The following LRMDA variants were observed in gnomAD, a reference collection of about 807,000 sequenced individuals.
LRMDA encodes leucine-rich melanocyte differentiation-associated protein.
Under a neutral mutation model 29.8 loss-of-function variants are expected in LRMDA, and 18 were observed. The observed-to-expected ratio is 0.60, with a 90% CI of 0.42 to 0.90. The LOEUF (loss-of-function observed/expected upper bound fraction) is 0.90, where lower values mean the gene tolerates loss of function less well. Ranked by LOEUF, LRMDA falls within the 40% of genes least tolerant of loss-of-function variation. The probability of loss-of-function intolerance (pLI) is 0.00; values close to 1 mark genes in which losing one functional copy is unlikely to be tolerated. For synonymous variants in LRMDA, 125 were observed against 109.4 expected (o/e 1.14, Z -0.89); for missense variants, 273 against 273.9 (o/e 1.00, Z 0.02).
At chr10:76,429,346 A>G (rs1400234385) in intron 6 of LRMDA, among the ~76,000 whole-genome samples, 1 of 152,170 alleles carries the variant, frequency 6.6e-6, no homozygotes, top group Non-Finnish European at 1.5e-5. Context: ...TGCAGATAAT[A>G]TGATAATATG....
intron 2 of LRMDA, among the ~76,000 whole-genome samples, chr10:75,846,519 T>C (rs1844640346): frequency 6.6e-6 from 1 of 152,194 alleles, no homozygotes; most frequent in African/African-American, 2.4e-5. Flanking sequence ...AAGGTGGTCA[T>C]AGCACTGGAA....
At chr10:76,143,950 T>A (rs1850258984) in intron 5 of LRMDA, among the ~76,000 whole-genome samples, 2 of 152,208 alleles carry the variant, frequency 1.3e-5, no homozygotes, top group Admixed American at 6.5e-5. Flanking sequence ...AAATAGGGAA[T>A]CCTTTCCCCA....
At chr10:75,453,292 C>T (rs1039524291) in intron 2 of LRMDA, among the ~76,000 whole-genome samples, 1 of 152,208 alleles carries the variant, frequency 6.6e-6, no homozygotes, top group Admixed American at 6.5e-5. Flanking sequence ...CCTGGAGTCT[C>T]TACCTAGCTG....
intron 5 of LRMDA, among the ~76,000 whole-genome samples, chr10:76,310,953 A>C (rs575008518): frequency 6.6e-6 from 1 of 152,326 alleles, no homozygotes; most frequent in Non-Finnish European, 1.5e-5. Context: ...AACAATTAGA[A>C]GTTCATTTGC....
intron 3 of LRMDA, 117 bp from the exon 4 acceptor site, chr10:76,047,047 G>A (rs2304412): frequency 4.3e-5 from 48 of 1,112,506 alleles, no homozygotes; most frequent in Non-Finnish European, 6.0e-5. Flanking sequence ...ATTGATTTCA[G>A]CCCCCACCCT....
At chr10:75,985,763 T>G (rs1044519051) in intron 2 of LRMDA, among the ~76,000 whole-genome samples, 1 of 152,066 alleles carries the variant, frequency 6.6e-6, no homozygotes, top group African/African-American at 2.4e-5. Flanking sequence ...CTGGGGCACA[T>G]CAGGGTACTT....
At chr10:75,853,828 C>T (rs903079759) in intron 2 of LRMDA, among the ~76,000 whole-genome samples, 66 of 152,200 alleles carry the variant, frequency 4.3e-4, no homozygotes, top group Non-Finnish European at 1.3e-4. Context: ...CCTATCCCAG[C>T]TACTGGGCCT....
At chr10:75,902,325 A>G (rs898447230) in intron 2 of LRMDA, among the ~76,000 whole-genome samples, 1 of 152,254 alleles carries the variant, frequency 6.6e-6, no homozygotes, top group African/African-American at 2.4e-5. Flanking sequence ...TGGTCTACTA[A>G]CTGGGGAGTA....
chr10:76,132,678 A>G (rs1011888718), intron 5 of LRMDA, among the ~76,000 whole-genome samples: 1 of 152,186 alleles, frequency 6.6e-6, no homozygotes, highest in Non-Finnish European at 1.5e-5. Flanking sequence ...AGGTGAGCGC[A>G]TGAGTACGAG....
intron 2 of LRMDA, among the ~76,000 whole-genome samples, chr10:75,994,623 G>A (rs114656787): frequency 1.6e-3 from 245 of 152,266 alleles, no homozygotes; most frequent in African/African-American, 5.6e-3. Context: ...AGAAAATCGC[G>A]CTCACCTCTG....
chr10:76,001,829 C>A (rs575004470), intron 2 of LRMDA, among the ~76,000 whole-genome samples: 125 of 152,224 alleles, frequency 8.2e-4, no homozygotes, highest in African/African-American at 2.9e-3. Flanking sequence ...TGCAGCTACC[C>A]ACCCAAAACC....
intron 5 of LRMDA, among the ~76,000 whole-genome samples, chr10:76,165,663 C>A (rs1455748827): frequency 6.6e-6 from 1 of 152,188 alleles, no homozygotes. Context: ...GCAAACATAT[C>A]CTTCTTCACA....
rs143565848 is a variant in LRMDA at position 75,950,032 on chromosome 10, A to G, written c.132-85976A>G. ...TCTCTGGAATCACCTTGGTTCCCCA[A>G]AGCAGAAAATCTAGAAGAGTCCTTG... On this transcript the variant is annotated intron_variant, in intron 2 of 6. Coordinates refer to ENST00000611255, the MANE Select transcript of LRMDA (RefSeq NM_001305581.2). Among the ~76,000 whole-genome samples, 575 of 152,300 alleles carry G rather than the reference A, an allele frequency of 3.8e-3. 5 individuals are homozygous for G. The highest frequency in any genetic ancestry group is 0.013 in the African/African-American group (551 of 41,568).
intron 5 of LRMDA, among the ~76,000 whole-genome samples, chr10:76,116,148 ACT>A (rs1849665061): frequency 6.6e-6 from 1 of 152,162 alleles, no homozygotes; most frequent in Non-Finnish European, 1.5e-5. Flanking sequence ...GTGCAGGTAC[ACT>A]AGGACAAGTG....
At chr10:75,537,532 T>G (rs1770861992) in intron 2 of LRMDA, among the ~76,000 whole-genome samples, 1 of 152,208 alleles carries the variant, frequency 6.6e-6, no homozygotes, top group Non-Finnish European at 1.5e-5. Flanking sequence ...TAATTTATCC[T>G]TGTTATCCTT....
chr10:76,209,142 T>C (rs1225707094), intron 5 of LRMDA, among the ~76,000 whole-genome samples: 2 of 151,554 alleles, frequency 1.3e-5, no homozygotes, highest in East Asian at 1.9e-4. Context: ...GCAACAAGAG[T>C]GAAACTCCAT....
chr10:76,034,022 C>T (rs1408246190), intron 2 of LRMDA, among the ~76,000 whole-genome samples: 1 of 152,100 alleles, frequency 6.6e-6, no homozygotes, highest in Non-Finnish European at 1.5e-5. Context: ...AGTTAGCCGT[C>T]CTTCACTTAT....
intron 2 of LRMDA, among the ~76,000 whole-genome samples, chr10:76,011,337 A>C (rs138852279): frequency 0.01 from 1,541 of 152,324 alleles, 13 homozygotes; most frequent in South Asian, 0.039. Flanking sequence ...TCCACCCAGA[A>C]GAATGAGGAG....
At chr10:75,635,025 G>A (rs1337734211) in intron 2 of LRMDA, among the ~76,000 whole-genome samples, 1 of 152,132 alleles carries the variant, frequency 6.6e-6, no homozygotes, top group African/African-American at 2.4e-5. Context: ...TCTCTTAAGG[G>A]TCCATGAAAT....
Sources: allele counts gnomAD v4.1 joint callset (sites outside exome capture counted in the v4.1 genomes callset), GRCh38; gene constraint gnomAD v4.1.1; transcripts MANE v1.5; gene names NCBI Gene and HGNC (gene_info 2026-07-23, HGNC 2026-07-21).